Variants in UBTD2 observed in about 807,000 individuals in gnomAD.
UBTD2 encodes the protein ubiquitin domain-containing protein 2.
In UBTD2, 9 loss-of-function variants were observed where a neutral mutation model predicts 19.8. The observed-to-expected ratio is 0.46, with a 90% CI of 0.27 to 0.79. UBTD2 has a LOEUF of 0.79. Ranked by LOEUF, UBTD2 falls within the 30% of genes least tolerant of loss-of-function variation. UBTD2 has a pLI of 0.14. For missense variants in UBTD2, 250 were observed against 300.4 expected, an observed-to-expected ratio of 0.83 and a Z score of 1.24; for synonymous variants, 98 against 103.9, an observed-to-expected ratio of 0.94 and a Z score of 0.35.
At chr5:172,228,305 T>C (rs1437842347) in intron 2 of UBTD2, among the ~76,000 whole-genome samples, 1 of 152,170 alleles carries the variant, frequency 6.6e-6, no homozygotes, top group African/African-American at 2.4e-5. Context: ...TGAGTTCAAA[T>C]CCCAATTTCA....
At chr5:172,266,219 C>A (rs10053729) in intron 1 of UBTD2, among the ~76,000 whole-genome samples, 48,902 of 151,926 alleles carry the variant, frequency 0.32, 7,960 homozygotes, top group South Asian at 0.42. Context: ...GTGTGAGCCA[C>A]CGCACCTGGC....
At chr5:172,256,386 C>CT (rs199749283) in intron 1 of UBTD2, among the ~76,000 whole-genome samples, 47,303 of 147,318 alleles carry the variant, frequency 0.32, 7,402 homozygotes, top group South Asian at 0.42. Context: ...TTTCCTTATA[C>CT]TTTTTTTTTT....
At chr5:172,269,274 A>G (rs367715625) in intron 1 of UBTD2, among the ~76,000 whole-genome samples, 1 of 151,706 alleles carries the variant, frequency 6.6e-6, no homozygotes, top group African/African-American at 2.4e-5. Context: ...TGGATCATTT[A>G]AGGTTAGGAG....
chr5:172,273,143 G>C (rs1755533325), intron 1 of UBTD2, among the ~76,000 whole-genome samples: 1 of 151,386 alleles, frequency 6.6e-6, no homozygotes, highest in African/African-American at 2.4e-5. Flanking sequence ...TTATAGACTA[G>C]GGCTATCAAA....
At chr5:172,226,847 A>T (rs1458136883) in intron 2 of UBTD2, among the ~76,000 whole-genome samples, 2 of 152,256 alleles carry the variant, frequency 1.3e-5, no homozygotes, top group Admixed American at 1.3e-4. Flanking sequence ...CAAATCAGCC[A>T]TCAAGACTGT....
At chr5:172,222,777 T>A (rs1581210721) in intron 2 of UBTD2, among the ~76,000 whole-genome samples, 1 of 152,178 alleles carries the variant, frequency 6.6e-6, no homozygotes, top group Non-Finnish European at 1.5e-5. Context: ...GATGTAAAAT[T>A]AATAAATAGG....
intron 2 of UBTD2, among the ~76,000 whole-genome samples, chr5:172,224,556 G>A (rs1376929672): frequency 6.6e-6 from 1 of 152,080 alleles, no homozygotes; most frequent in Non-Finnish European, 1.5e-5. Flanking sequence ...CTCTCAAAGT[G>A]CTGGGATTAC....
chr5:172,233,667 A>G (rs1468953463), intron 2 of UBTD2, among the ~76,000 whole-genome samples: 1 of 152,130 alleles, frequency 6.6e-6, no homozygotes, highest in Non-Finnish European at 1.5e-5. Context: ...GCTTGATGAG[A>G]AAGTATAATG....
intron 1 of UBTD2, among the ~76,000 whole-genome samples, chr5:172,251,773 C>G (rs1359980863): frequency 6.6e-6 from 1 of 152,144 alleles, no homozygotes. Flanking sequence ...AAAGGTAATT[C>G]TTGAAGCTGA....
intron 2 of UBTD2, among the ~76,000 whole-genome samples, chr5:172,230,002 T>C (rs1326362008): frequency 6.6e-6 from 1 of 152,054 alleles, no homozygotes; most frequent in Non-Finnish European, 1.5e-5. Flanking sequence ...AGACAATGAG[T>C]AATAACATGC....
intron 1 of UBTD2, among the ~76,000 whole-genome samples, chr5:172,256,542 T>C (rs1755156863): frequency 6.6e-6 from 1 of 151,974 alleles, no homozygotes; most frequent in African/African-American, 2.4e-5. Context: ...TTTTTTTTTT[T>C]TTTTTAGTAG....
At chr5:172,226,988 C>T (rs1268570551) in intron 2 of UBTD2, among the ~76,000 whole-genome samples, 1 of 152,172 alleles carries the variant, frequency 6.6e-6, no homozygotes, top group Non-Finnish European at 1.5e-5. Flanking sequence ...CACTGCACCA[C>T]AGTTTTAAGG....
rs555808034 is a variant in UBTD2 at position 172,263,711 on chromosome 5, G to A, written c.70+19885C>T. On this transcript the variant is annotated intron_variant, in intron 1 of 2. Transcript: ENST00000393792. ...CCGGAGGCTGAGGCAGGAGAATGGC[G>A]TGGACCCAGGAGGTGGAGCTTCAGT... Among the ~76,000 whole-genome samples, 10 of 152,190 alleles carry A rather than the reference G, an allele frequency of 6.6e-5. No homozygotes were observed. The South Asian group carries it at 8.3e-4, about 13-fold the overall frequency.
chr5:172,218,838 A>G (rs957440985), intron 2 of UBTD2, among the ~76,000 whole-genome samples: 4 of 151,104 alleles, frequency 2.6e-5, no homozygotes, highest in South Asian at 4.2e-4. Flanking sequence ...AAAATTCAAC[A>G]AAACCAAAAG....
At position 172,211,800 on chromosome 5, in the gene UBTD2, G is replaced by T; in HGVS notation, c.*30C>A. ...ACAAGAACCATAAAAAGGAGCAGAG[G>T]GATGTGGGAGCTGGCCAACAGGGCT... On this transcript the variant is annotated 3_prime_UTR_variant, in exon 3 of 3. Transcript: ENST00000393792. The T allele has an allele frequency of 6.4e-7, 1 of 1,557,934 alleles. No homozygotes were observed. Among genetic ancestry groups the T allele is most frequent in the East Asian group, 2.3e-5 (1 of 44,202 alleles).
At chr5:172,227,735 G>C (rs1771800196) in intron 2 of UBTD2, among the ~76,000 whole-genome samples, 1 of 112,454 alleles carries the variant, frequency 8.9e-6, no homozygotes. Flanking sequence ...ACAGAGTCTT[G>C]CTCTTGTCGT....
chr5:172,252,689 G>C (rs904594400), intron 1 of UBTD2, among the ~76,000 whole-genome samples: 1 of 152,054 alleles, frequency 6.6e-6, no homozygotes, highest in African/African-American at 2.4e-5. Context: ...CTAATGTTAA[G>C]AGCCTGGCAA....
At position 172,219,051 on chromosome 5, in the gene UBTD2, C is replaced by T. The variant is rs540930443; in HGVS notation, c.308-6824G>A. Among the ~76,000 whole-genome samples the T allele has an allele frequency of 2.4e-3, 360 of 152,198 alleles. 2 individuals carry two copies. Among genetic ancestry groups the T allele is most frequent in the African/African-American group, 8.5e-3 (352 of 41,538 alleles). On this transcript the variant is annotated intron_variant, in intron 2 of 2. Transcript: ENST00000393792. ...TTGATAAACCTAGATAAAATGGACC[C>T]ATTCCTTGAAAGACACAATCTGCCA... is the stretch of plus-strand genomic sequence containing the variant.
At chr5:172,262,934 G>A (rs1414144896) in intron 1 of UBTD2, among the ~76,000 whole-genome samples, 1 of 152,108 alleles carries the variant, frequency 6.6e-6, no homozygotes, top group South Asian at 2.1e-4. Context: ...CATTCAACTA[G>A]TTTTTTGTTG....
Sources: gnomAD v4.1 joint callset for allele counts (sites outside exome capture counted in the v4.1 genomes callset) on GRCh38, gnomAD v4.1.1 for gene constraint, MANE v1.5 for transcripts, NCBI Gene and HGNC (gene_info 2026-07-23, HGNC 2026-07-21) for gene names.